The following PLXNC1 variants were observed in gnomAD, a reference collection of about 807,000 sequenced individuals.
PLXNC1 encodes plexin-C1.
In PLXNC1, 75 loss-of-function variants were observed where a neutral mutation model predicts 178.2. The observed-to-expected ratio is 0.42, with a 90% CI of 0.35 to 0.51. The LOEUF (loss-of-function observed/expected upper bound fraction) is 0.51, where lower values mean the gene tolerates loss of function less well. PLXNC1 is among the 20% of genes least tolerant of loss of function. PLXNC1 has a pLI of 0.02. For missense variants in PLXNC1, 1,503 were observed against 1,984.4 expected, an observed-to-expected ratio of 0.76 and a Z score of 4.61; for synonymous variants, 790 against 779.9, an observed-to-expected ratio of 1.01 and a Z score of -0.22.
chr12:94,278,124 T>TA, intron 21 of PLXNC1: 1 of 436,306 alleles, frequency 2.3e-6, no homozygotes, highest in South Asian at 1.6e-5. Context: ...TCTTGCCTGT[T>TA]AGACTCTCCG....
At chr12:94,285,609 T>C (rs927953927) in intron 23 of PLXNC1, among the ~76,000 whole-genome samples, 1 of 152,160 alleles carries the variant, frequency 6.6e-6, no homozygotes, top group Non-Finnish European at 1.5e-5. Flanking sequence ...GTGTGCATTC[T>C]TGGGCTCAGG....
chr12:94,240,342 T>C (rs1026976351), intron 10 of PLXNC1, 143 bp from the exon 11 acceptor site: 23 of 615,210 alleles, frequency 3.7e-5, no homozygotes, highest in Admixed American at 1.2e-4. Flanking sequence ...CACTGGCCCC[T>C]CATGAGTCAG....
rs1358625286 is a variant in PLXNC1 at position 94,279,962 on chromosome 12, A to C, written c.3775+313A>C. The C allele has an allele frequency of 1.7e-5, 8 of 463,702 alleles. 1 individual carries two copies. The highest frequency in any genetic ancestry group is 7.9e-5 in the South Asian group (4 of 50,768). 28.7% of individuals were successfully genotyped at this position (463,702 alleles called of 1,614,324 possible). On this transcript the variant is annotated intron_variant, in intron 22 of 30. Transcript: ENST00000258526. Reference sequence around the variant, plus strand: ...TGCACGGAATCACCTTGCATCATGAAATACAGAAAGGTGTCAACACAGTGC... The same window carrying C: ...TGCACGGAATCACCTTGCATCATGACATACAGAAAGGTGTCAACACAGTGC...
At chr12:94,229,161 G>A (rs559794035) in intron 9 of PLXNC1, among the ~76,000 whole-genome samples, 7 of 152,288 alleles carry the variant, frequency 4.6e-5, no homozygotes, top group African/African-American at 1.7e-4. Context: ...GATTAATGAT[G>A]TTGAGCATCT....
chr12:94,303,682 A>C lies in PLXNC1; in HGVS notation c.4387-74A>C, dbSNP rs545618932. 15 of 1,273,288 alleles carry C rather than the reference A, an allele frequency of 1.2e-5. No individual in the cohort carries two copies. The East Asian group carries it at 3.4e-4, about 29-fold the overall frequency. The allele number at this position is 1,273,288 out of a possible 1,614,324, so 78.9% of individuals were successfully genotyped here. A position where few individuals can be genotyped will look rare whatever the true frequency, so the allele number is the denominator to read the frequency against. On this transcript the variant is annotated intron_variant, in intron 28 of 30. Transcript: ENST00000258526. ...GGTTCAGCTACATTGGAATATTATA[A>C]ATTCCTCCATCTTTTTTTTTTTTTT...
intron 21 of PLXNC1, among the ~76,000 whole-genome samples, chr12:94,276,216 A>G (rs1965947397): frequency 6.6e-6 from 1 of 152,228 alleles, no homozygotes; most frequent in Admixed American, 6.5e-5. Context: ...AGCTCCGATT[A>G]AAAGGTGCCT....
intron 10 of PLXNC1, among the ~76,000 whole-genome samples, chr12:94,240,049 T>C (rs1964345217): frequency 6.6e-6 from 1 of 152,164 alleles, no homozygotes; most frequent in Admixed American, 6.5e-5. Context: ...TTATCTGGGA[T>C]TTTTGGGGGG....
intron 28 of PLXNC1, 45 bp from the exon 29 acceptor site, chr12:94,303,711 T>TAG: frequency 8.5e-7 from 1 of 1,169,810 alleles, no homozygotes; most frequent in Non-Finnish European, 1.1e-6. Context: ...TTTTTTTTTT[T>TAG]TACTCTTTTG....
chr12:94,208,054 C>T (rs1056650721), intron 4 of PLXNC1, among the ~76,000 whole-genome samples: 4 of 152,136 alleles, frequency 2.6e-5, no homozygotes, highest in Non-Finnish European at 5.9e-5. Flanking sequence ...TTCTGTTTTT[C>T]AATCCAGCAG....
rs1425740409 is a variant in PLXNC1 at position 94,298,717 on chromosome 12, T to C, written c.4160T>C (p.Phe1387Ser). 1.2e-6 allele frequency: 2 copies of C among 1,613,306 alleles called. No homozygotes were observed. Among genetic ancestry groups the C allele is most frequent in the Non-Finnish European group, 1.7e-6 (2 of 1,179,812 alleles). ...NSRAPFAIKY[F>S]FDFLDAQAEN... ...AGAGCTCCATTTGCTATAAAATACT[T>C]TTTTGACTTTTTGGACGCCCAGGCT... The change falls in exon 27 of 31, where the codon TTT (phenylalanine) becomes TCT (serine). Residue 1387 changes from phenylalanine (F) to serine (S), a missense_variant. Transcript: ENST00000258526.
chr12:94,238,974 G>A (rs1252402029), intron 10 of PLXNC1, among the ~76,000 whole-genome samples: 3 of 152,256 alleles, frequency 2.0e-5, no homozygotes, highest in South Asian at 2.1e-4. Flanking sequence ...TTCATTTTAT[G>A]TAGCGAAATC....
chr12:94,252,356 A>G (rs1335568368), intron 15 of PLXNC1, among the ~76,000 whole-genome samples: 3 of 152,164 alleles, frequency 2.0e-5, no homozygotes, highest in East Asian at 3.9e-4. Flanking sequence ...GCATAAGTCC[A>G]GGAGTTTGAG....
intron 22 of PLXNC1, 151 bp downstream of exon 22, chr12:94,279,800 C>A (rs752228421): frequency 1.3e-6 from 1 of 746,506 alleles, no homozygotes. Flanking sequence ...TGTCTAGGGG[C>A]CAAGAGACTG....
intron 2 of PLXNC1, among the ~76,000 whole-genome samples, chr12:94,176,806 C>T (rs1401628596): frequency 2.0e-5 from 3 of 151,538 alleles, no homozygotes; most frequent in African/African-American, 7.3e-5. Flanking sequence ...ACACAGTAAA[C>T]ATATATGTTA....
chr12:94,211,540 T>TA (rs142282578), intron 5 of PLXNC1, among the ~76,000 whole-genome samples: 30,180 of 152,206 alleles, frequency 0.2, 3,129 homozygotes, highest in Middle Eastern at 0.25. Context: ...CTATTAGCTC[T>TA]ATTCAAAGGC....
At chr12:94,162,857 G>C (rs2135931364) in intron 1 of PLXNC1, among the ~76,000 whole-genome samples, 1 of 152,248 alleles carries the variant, frequency 6.6e-6, no homozygotes, top group East Asian at 1.9e-4. Flanking sequence ...TTCTTAACAG[G>C]GGATAATGAC....
rs1339702215 is a variant in PLXNC1, at chr12:94,273,865, C to T, written c.3598-5607C>T. Among the ~76,000 whole-genome samples the T allele has an allele frequency of 3.9e-5, 6 of 152,210 alleles. 1 individual carries two copies. In the South Asian group the frequency reaches 1.0e-3, roughly 26 times the overall value. ...CCTGAAATAGTAAGAGCATGACTTG[C>T]CTCTTAGAGCAGAAAGTCTGGAGGG... On this transcript the variant is annotated intron_variant, in intron 21 of 30. Coordinates refer to ENST00000258526, the MANE Select transcript of PLXNC1 (RefSeq NM_005761.3).
intron 9 of PLXNC1, among the ~76,000 whole-genome samples, chr12:94,237,346 T>C (rs990097603): frequency 6.6e-6 from 1 of 152,218 alleles, no homozygotes; most frequent in African/African-American, 2.4e-5. Flanking sequence ...CTCCAGAGGC[T>C]GTAAGGCAGT....
At chr12:94,178,836 T>C (rs570390364) in intron 2 of PLXNC1, among the ~76,000 whole-genome samples, 73 of 152,274 alleles carry the variant, frequency 4.8e-4, no homozygotes, top group African/African-American at 1.7e-3. Context: ...TATAAAGTCG[T>C]TTTAAAATGA....
Sources: gnomAD v4.1 joint callset for allele counts (sites outside exome capture counted in the v4.1 genomes callset) on GRCh38, gnomAD v4.1.1 for gene constraint, MANE v1.5 for transcripts, NCBI Gene and HGNC (gene_info 2026-07-23, HGNC 2026-07-21) for gene names.